The following KCTD1 variants were observed in gnomAD, a reference collection of about 807,000 sequenced individuals.
KCTD1 encodes the protein BTB/POZ domain-containing protein KCTD1.
In KCTD1, 24 loss-of-function variants were observed where a neutral mutation model predicts 66.0. That is an observed-to-expected ratio of 0.36 (90% CI 0.26 to 0.51). KCTD1 has a LOEUF of 0.51. Among genes scored for constraint, KCTD1 ranks in the 20% least tolerant of loss-of-function variants. The pLI, the probability that KCTD1 is intolerant of heterozygous loss-of-function variation, is 0.95. For synonymous variants in KCTD1, 511 were observed against 517.2 expected, an observed-to-expected ratio of 0.99 and a Z score of 0.16; for missense variants, 943 against 1,205.2, an observed-to-expected ratio of 0.78 and a Z score of 3.22.
chr18:26,521,105 G>GTT (rs1310848767), intron 1 of KCTD1, among the ~76,000 whole-genome samples: 1 of 152,216 alleles, frequency 6.6e-6, no homozygotes, highest in Non-Finnish European at 1.5e-5. Flanking sequence ...GACAGGGACA[G>GTT]GCCAAGTCCT....
intron 1 of KCTD1, among the ~76,000 whole-genome samples, chr18:26,574,960 G>A (rs964264433): frequency 1.1e-4 from 17 of 152,094 alleles, no homozygotes; most frequent in Admixed American, 3.9e-4. Flanking sequence ...AATTTTGCAG[G>A]TGCAACAATC....
chr18:26,512,997 T>TC (rs1397526510), intron 1 of KCTD1, among the ~76,000 whole-genome samples: 1 of 152,024 alleles, frequency 6.6e-6, no homozygotes, highest in African/African-American at 2.4e-5. Flanking sequence ...ATTTTTTTTT[T>TC]CAATCAAATT....
intron 1 of KCTD1, chr18:26,600,374 C>G (rs1315047971): frequency 9.2e-7 from 1 of 1,087,422 alleles, no homozygotes; most frequent in African/African-American, 1.5e-5. Flanking sequence ...ATCTGCTCCT[C>G]CAGCCAACTC....
intron 1 of KCTD1, among the ~76,000 whole-genome samples, chr18:26,606,107 A>C (rs1463240945): frequency 1.3e-5 from 2 of 152,216 alleles, no homozygotes; most frequent in Admixed American, 1.3e-4. Flanking sequence ...TGGTTGAAAT[A>C]GTTATTATCA....
chr18:26,612,913 T>C (rs1052901951), intron 1 of KCTD1, among the ~76,000 whole-genome samples: 2 of 152,166 alleles, frequency 1.3e-5, no homozygotes, highest in Non-Finnish European at 2.9e-5. Context: ...GGTGGAAGGG[T>C]AAATGTGGTC....
At chr18:26,540,312 TA>T (rs2144807771) in intron 1 of KCTD1, among the ~76,000 whole-genome samples, 1 of 152,350 alleles carries the variant, frequency 6.6e-6, no homozygotes, top group South Asian at 2.1e-4. Flanking sequence ...GCCTAGCACC[TA>T]ATGCTGTCTT....
At chr18:26,464,877 G>A (rs992235437) in intron 3 of KCTD1, among the ~76,000 whole-genome samples, 23 of 152,172 alleles carry the variant, frequency 1.5e-4, no homozygotes, top group African/African-American at 5.1e-4. Context: ...AAAATGAAAG[G>A]ATTTTACCTT....
intron 1 of KCTD1, among the ~76,000 whole-genome samples, chr18:26,594,370 T>A (rs573655208): frequency 6.6e-6 from 1 of 152,356 alleles, no homozygotes; most frequent in East Asian, 1.9e-4. Flanking sequence ...ATTTCTTAAT[T>A]GATGTCTAGA....
intron 1 of KCTD1, among the ~76,000 whole-genome samples, chr18:26,616,639 C>G (rs886380087): frequency 6.6e-6 from 1 of 151,932 alleles, no homozygotes; most frequent in Non-Finnish European, 1.5e-5. Flanking sequence ...TGGGCTTCAG[C>G]CTCTTGAGTG....
At chr18:26,598,725 T>A (rs1040625096) in intron 1 of KCTD1, among the ~76,000 whole-genome samples, 2 of 152,216 alleles carry the variant, frequency 1.3e-5, no homozygotes, top group African/African-American at 2.4e-5. Flanking sequence ...GTAGTTTTGA[T>A]TTGCATTTCC....
upstream of KCTD1, chr18:26,548,751 G>A: frequency 9.0e-7 from 1 of 1,109,246 alleles, no homozygotes; most frequent in Non-Finnish European, 1.1e-6. Flanking sequence ...AAGTTAGACC[G>A]GAGAGATAGG....
At chr18:26,647,334 C>CCCA (rs1568020045) in intron 1 of KCTD1, among the ~76,000 whole-genome samples, 2 of 112,922 alleles carry the variant, frequency 1.8e-5, no homozygotes, top group African/African-American at 5.5e-5. Context: ...TAGTGAAACC[C>CCCA]CCCCCCCATC....
intron 1 of KCTD1, among the ~76,000 whole-genome samples, chr18:26,568,942 A>G (rs552888942): frequency 6.0e-4 from 91 of 152,312 alleles, no homozygotes; most frequent in African/African-American, 2.2e-3. Context: ...TGGGCATAAC[A>G]ATTTGATTTA....
At chr18:26,624,293 C>T (rs1231287674) in intron 1 of KCTD1, among the ~76,000 whole-genome samples, 1 of 152,200 alleles carries the variant, frequency 6.6e-6, no homozygotes, top group Non-Finnish European at 1.5e-5. Context: ...ATCACCAAGA[C>T]AATGGGGAAA....
upstream of KCTD1, among the ~76,000 whole-genome samples, chr18:26,550,148 C>T (rs549289914): frequency 1.4e-4 from 21 of 152,246 alleles, no homozygotes; most frequent in African/African-American, 4.8e-4. The surrounding 1 kb of genome is among the most constrained non-coding windows in gnomAD (Gnocchi z 5.4). Flanking sequence ...GGTGCCAGGC[C>T]GTCCTGCTGG....
At chr18:26,455,983 G>A (rs1598868524) in intron 4 of KCTD1, 82 bp from the exon 5 acceptor site, 3 of 1,347,488 alleles carry the variant, frequency 2.2e-6, no homozygotes, top group African/African-American at 2.9e-5. Flanking sequence ...TTGAGATTAT[G>A]CGCACTCTGG....
intron 1 of KCTD1, among the ~76,000 whole-genome samples, chr18:26,624,680 G>T (rs532665241): frequency 6.6e-6 from 1 of 152,358 alleles, no homozygotes; most frequent in African/African-American, 2.4e-5. Context: ...TTTCCACTAG[G>T]GCAGTGTGGG....
At chr18:26,598,655 C>G (rs766009091) in intron 1 of KCTD1, among the ~76,000 whole-genome samples, 1 of 152,184 alleles carries the variant, frequency 6.6e-6, no homozygotes, top group African/African-American at 2.4e-5. Context: ...CTAACCAACA[C>G]TTGTTATTGT....
chr18:26,455,667 C>T lies in KCTD1; in HGVS notation c.*76G>A, dbSNP rs375717473. 22 of 1,595,772 alleles carry T rather than the reference C, an allele frequency of 1.4e-5. No individual in the cohort carries two copies. The East Asian group carries it at 3.3e-4, about 24-fold the overall frequency. ...TCCAGGACTTGGTTTGCTGTCCCAA[C>T]TGCACATAAATGTCCCTTTTTTGTT... On this transcript the variant is annotated 3_prime_UTR_variant, in exon 5 of 5. Transcript: ENST00000580059.
Sources: gnomAD v4.1 joint callset for allele counts (sites outside exome capture counted in the v4.1 genomes callset) on GRCh38, gnomAD v4.1.1 for gene constraint, Gnocchi (gnomAD v3.1) non-coding constraint, MANE v1.5 for transcripts, NCBI Gene and HGNC (gene_info 2026-07-23, HGNC 2026-07-21) for gene names.